The following HCFC2 variants were observed in gnomAD, a reference collection of about 807,000 sequenced individuals.
HCFC2 encodes host cell factor C2.
A neutral mutation model predicts 89.2 loss-of-function variants in HCFC2; 18 were observed. The ratio of observed to expected loss-of-function variants is 0.20; its 90% CI spans 0.14 to 0.30. The LOEUF is 0.30. Among genes scored for constraint, HCFC2 ranks in the 10% least tolerant of loss-of-function variants. HCFC2 has a pLI of 1.00. For missense variants in HCFC2, 578 were observed against 956.1 expected (o/e 0.60, Z 5.21); for synonymous variants, 308 against 335.7 (o/e 0.92, Z 0.90).
At chr12:104,102,786 A>C (rs1220484518) in intron 14 of HCFC2, among the ~76,000 whole-genome samples, 173 bp from the exon 15 acceptor site, 1 of 152,224 alleles carries the variant, frequency 6.6e-6, no homozygotes, top group East Asian at 1.9e-4. Flanking sequence ...GAAATTAAAC[A>C]TTGTAGATCC....
intron 4 of HCFC2, 77 bp from the exon 5 acceptor site, chr12:104,080,669 A>AT (rs1456461846): frequency 2.3e-5 from 19 of 840,968 alleles, no homozygotes; most frequent in Non-Finnish European, 3.2e-5. Context: ...TCCTTGTTTT[A>AT]TTTTTTAAAA....
intron 5 of HCFC2, among the ~76,000 whole-genome samples, chr12:104,081,327 A>G (rs936706826): frequency 2.6e-5 from 4 of 152,218 alleles, no homozygotes; most frequent in African/African-American, 9.7e-5. Flanking sequence ...CCTTAAGTAT[A>G]CAATGTGGAT....
Position 104,082,856 on chromosome 12 carries a change from C to T in HCFC2, c.1018C>T (p.Leu340=). Reference sequence around the variant, plus strand: ...TGGAAGAGATGGCTACAAAAAAGCACTGAATAGTCAAGTTTGCTGCAAGGA... The same window carrying T: ...TGGAAGAGATGGCTACAAAAAAGCATTGAATAGTCAAGTTTGCTGCAAGGA... ...WSGRDGYKKA[L]NSQVCCKDLW... is the part of the protein sequence containing the mutation. The change falls in exon 7 of 15, where the codon CTG becomes TTG. Residue 340 remains leucine, a synonymous_variant. Transcript: ENST00000229330. 1 of 1,612,596 alleles carries T rather than the reference C, an allele frequency of 6.2e-7. No individual in the cohort carries two copies. The highest frequency in any genetic ancestry group is 2.2e-5 in the East Asian group (1 of 44,854).
chr12:104,075,298 C>T (rs61937642), intron 3 of HCFC2, among the ~76,000 whole-genome samples: 13,440 of 151,592 alleles, frequency 0.089, 873 homozygotes, highest in Admixed American at 0.17. Context: ...TTTCTTATTC[C>T]TAAATATTAG....
chr12:104,096,450 G>T lies in HCFC2; in HGVS notation c.1740+17G>T, dbSNP rs1427088918. 1.3e-6 allele frequency: 2 copies of T among 1,567,110 alleles called. No homozygotes were observed. The highest frequency in any genetic ancestry group is 4.5e-5 in the East Asian group (2 of 44,688). On this transcript the variant is annotated intron_variant, in intron 12 of 14. Coordinates refer to ENST00000229330, the MANE Select transcript of HCFC2 (RefSeq NM_013320.3). ...CCGTTTTCTGTAAGTACATGACCTG[G>T]TGATGATGCATGTTTACACATGATT...
chr12:104,068,159 C>T lies in HCFC2; in HGVS notation c.473+52C>T, dbSNP rs6539123. On this transcript the variant is annotated intron_variant, in intron 3 of 14. Coordinates refer to ENST00000229330, the MANE Select transcript of HCFC2 (RefSeq NM_013320.3). This position sits in a 1 kb window ranked among gnomAD's most constrained non-coding sequence, Gnocchi z 4.1. The stretch of plus-strand genomic sequence containing the variant: ...CTTATTTTATGATTTAGAGTAGGAA[C>T]ATTTTATTTTTTCCATCTTTAATTT... The T allele has an allele frequency of 0.14, 194,181 of 1,420,360 alleles. 13,958 individuals carry two copies. Among genetic ancestry groups the T allele is most frequent in the Middle Eastern group, 0.22 (1,185 of 5,422 alleles). 88.0% of individuals were successfully genotyped at this position (1,420,360 alleles called of 1,614,324 possible).
Position 104,105,993 on chromosome 12 carries a change from C to T in HCFC2, c.*2720C>T, listed in dbSNP as rs2030075985. 1.3e-5 allele frequency: 2 copies of T among 152,054 alleles called. No individual in the cohort carries two copies. The highest frequency in any genetic ancestry group is 2.9e-5 in the Non-Finnish European group (2 of 67,956). 9.4% of individuals were successfully genotyped at this position (152,054 alleles called of 1,614,324 possible). ...AAAAATATTTTTGATGTTGCATGCT[C>T]TCAGAATTATGTTTTCTAAAATATC... On this transcript the variant is annotated 3_prime_UTR_variant, in exon 15 of 15. Coordinates refer to ENST00000229330, the MANE Select transcript of HCFC2 (RefSeq NM_013320.3).
At chr12:104,075,457 CTTTTTTTTTTT>C (rs35657094) in intron 3 of HCFC2, among the ~76,000 whole-genome samples, 1 of 118,086 alleles carries the variant, frequency 8.5e-6, no homozygotes, top group Non-Finnish European at 1.7e-5. Flanking sequence ...TGTTCCTAAC[CTTTTTTTTTTT>C]TTTTTTTAGA....
At chr12:104,098,079 A>G (rs777139396) in intron 12 of HCFC2, 5 of 320,356 alleles carry the variant, frequency 1.6e-5, no homozygotes, top group Non-Finnish European at 2.2e-5. Flanking sequence ...CATATCACTG[A>G]TTGGAAAGCA....
chr12:104,069,365 A>C (rs1364880667), intron 3 of HCFC2, among the ~76,000 whole-genome samples: 2 of 152,160 alleles, frequency 1.3e-5, no homozygotes, highest in Admixed American at 6.5e-5. Context: ...TATTAACTGT[A>C]GTCCTCATGT....
chr12:104,100,932 C>T (rs1032827686), intron 13 of HCFC2, among the ~76,000 whole-genome samples: 45 of 152,138 alleles, frequency 3.0e-4, no homozygotes, highest in African/African-American at 1.0e-3. Context: ...GTTTAAATCA[C>T]TAGCTCCAGC....
At position 104,095,296 on chromosome 12, in the gene HCFC2, C is replaced by G. The variant is rs1046825248; in HGVS notation, c.1463-64C>G. 1.4e-5 allele frequency: 17 copies of G among 1,258,238 alleles called. No homozygotes were observed. Among genetic ancestry groups the G allele is most frequent in the African/African-American group, 5.9e-5 (4 of 67,756 alleles). The allele number at this position is 1,258,238 out of a possible 1,614,324, so 77.9% of individuals were successfully genotyped here. A position where few individuals can be genotyped will look rare whatever the true frequency, so the allele number is the denominator to read the frequency against. On this transcript the variant is annotated intron_variant, in intron 10 of 14. Transcript: ENST00000229330. This position sits in a 1 kb window ranked among gnomAD's most constrained non-coding sequence, Gnocchi z 4.2. ...AGTACCAAGAATCATATGACAAGAA[C>G]GATAAGACACAACAATTATCTGCAG...
At chr12:104,067,657 A>C (rs1883189539) in intron 2 of HCFC2, among the ~76,000 whole-genome samples, 1 of 152,222 alleles carries the variant, frequency 6.6e-6, no homozygotes, top group South Asian at 2.1e-4. Flanking sequence ...GCTATGTATA[A>C]TACTTTATTT....
At chr12:104,102,564 G>A (rs2029982855) in intron 14 of HCFC2, among the ~76,000 whole-genome samples, 2 of 152,094 alleles carry the variant, frequency 1.3e-5, no homozygotes, top group Non-Finnish European at 2.9e-5. Flanking sequence ...ATCACAGAAA[G>A]GCAGGGAAAT....
intron 7 of HCFC2, 116 bp downstream of exon 7, chr12:104,083,017 T>G: frequency 1.4e-6 from 1 of 697,520 alleles, no homozygotes; most frequent in Non-Finnish European, 2.4e-6. Flanking sequence ...TAAGTATGAA[T>G]GGAAGAAACA....
chr12:104,093,330 G>T, intron 9 of HCFC2, 56 bp from the exon 10 acceptor site: 1 of 1,219,148 alleles, frequency 8.2e-7, no homozygotes, highest in Admixed American at 2.7e-5. Context: ...TTTTTTACAT[G>T]TATTTGTATT....
intron 3 of HCFC2, among the ~76,000 whole-genome samples, chr12:104,072,327 ACAT>A (rs1883346356): frequency 6.6e-6 from 1 of 151,886 alleles, no homozygotes; most frequent in Admixed American, 6.6e-5. Context: ...AGCCATGTTT[ACAT>A]CAGTGCATTC....
At chr12:104,083,734 ATATAT>A (rs1483457151) in intron 7 of HCFC2, among the ~76,000 whole-genome samples, 1 of 152,158 alleles carries the variant, frequency 6.6e-6, no homozygotes, top group Non-Finnish European at 1.5e-5. Flanking sequence ...TTTTAAAAAA[ATATAT>A]TAGAGGCTGG....
At chr12:104,092,825 A>C (rs1593608301) in intron 9 of HCFC2, among the ~76,000 whole-genome samples, 1 of 152,206 alleles carries the variant, frequency 6.6e-6, no homozygotes, top group Non-Finnish European at 1.5e-5. Context: ...GAATGTGTTT[A>C]TTATAGTGTG....
Sources: gnomAD v4.1 joint callset for allele counts (sites outside exome capture counted in the v4.1 genomes callset) on GRCh38, gnomAD v4.1.1 for gene constraint, Gnocchi (gnomAD v3.1) non-coding constraint, MANE v1.5 for transcripts, NCBI Gene and HGNC (gene_info 2026-07-23, HGNC 2026-07-21) for gene names.